The following NUP214 variants were observed in gnomAD, a reference collection of about 807,000 sequenced individuals.
The protein encoded by NUP214 is nucleoporin 214, also known as nuclear pore complex protein Nup214.
NUP214 carries 79 observed loss-of-function variants against 196.2 expected under a neutral mutation model. That is an observed-to-expected ratio of 0.40 (90% CI 0.34 to 0.49). NUP214 has a LOEUF of 0.49. NUP214 is among the 20% of genes least tolerant of loss of function. NUP214 has a pLI of 0.58. For missense variants in NUP214, 2,468 were observed against 2,539.0 expected (o/e 0.97, Z 0.60); for synonymous variants, 1,020 against 990.5 (o/e 1.03, Z -0.56).
Position 131,132,605 on chromosome 9 carries a change from G to A in NUP214, c.673G>A (p.Glu225Lys). 1 of 1,612,712 alleles carries A rather than the reference G, an allele frequency of 6.2e-7. No homozygotes were observed. Among genetic ancestry groups the A allele is most frequent in the South Asian group, 1.1e-5 (1 of 90,950 alleles). Residue 225 changes from glutamate (E) to lysine (K), a missense_variant, in exon 6 of 36, where the codon GAA becomes AAA. By Grantham distance (56) the Glu-to-Lys change is moderately conservative. This residue lies in a region of NUP214 where 392 missense variants were observed against 417.9 expected (regional missense o/e 0.94). Coordinates refer to ENST00000359428, the MANE Select transcript of NUP214 (RefSeq NM_005085.4). ...TCCAAATCTCTTTCAGACTTTGCAG[G>A]AAAAAAAAGTCATTCCTTGTCCTCC... ...TVVQYLPTLQ[E>K]KKVIPCPPFY...
chr9:131,153,119 C>T (rs1052724178), intron 17 of NUP214: 1 of 152,176 alleles, frequency 6.6e-6, no homozygotes, highest in Non-Finnish European at 1.5e-5. Context: ...TGCTTTCCAT[C>T]TTTCAGTGTA....
chr9:131,202,978 C>A (rs758794524), intron 30 of NUP214, among the ~76,000 whole-genome samples: 15 of 151,080 alleles, frequency 9.9e-5, no homozygotes, highest in Non-Finnish European at 1.8e-4. Context: ...CCGAGTGTCG[C>A]TCTTTTGCCC....
At chr9:131,130,435 G>T (rs1415244668) in intron 4 of NUP214, among the ~76,000 whole-genome samples, 1 of 152,046 alleles carries the variant, frequency 6.6e-6, no homozygotes, top group Non-Finnish European at 1.5e-5. Flanking sequence ...ATGAGCCACT[G>T]TGCCCGGCCA....
chr9:131,138,255 A>G (rs543397413), intron 9 of NUP214, among the ~76,000 whole-genome samples: 10 of 66,472 alleles, frequency 1.5e-4, no homozygotes, highest in African/African-American at 5.9e-4. Flanking sequence ...TCCCCTCCCC[A>G]TAACCTAGGC....
At chr9:131,177,922 A>AT (rs1457342465) in intron 23 of NUP214, among the ~76,000 whole-genome samples, 48 of 152,174 alleles carry the variant, frequency 3.2e-4, no homozygotes, top group Non-Finnish European at 2.9e-5. Context: ...TAATAAGCCC[A>AT]TGTTAAAGAA....
rs1005180068 is a variant in NUP214 at position 131,139,182 on chromosome 9, A to G, written c.1006-99A>G. 17 of 1,274,798 alleles carry G rather than the reference A, an allele frequency of 1.3e-5. No individual in the cohort carries two copies. The African/African-American group carries it at 2.0e-4, about 15-fold the overall frequency. 79.0% of individuals were successfully genotyped at this position (1,274,798 alleles called of 1,614,324 possible). On this transcript the variant is annotated intron_variant, in intron 9 of 35. Transcript: ENST00000359428. The stretch of plus-strand genomic sequence containing the variant: ...CCAAGTGAGTCATCTCTGTTCTCCT[A>G]TTTGAACAATGTTAGGAGGAACCAA...
At chr9:131,149,659 A>G (rs1402492753) in intron 14 of NUP214, among the ~76,000 whole-genome samples, 4 of 151,986 alleles carry the variant, frequency 2.6e-5, no homozygotes, top group African/African-American at 9.7e-5. Context: ...AGCAAGAGGG[A>G]TCTTTTAAAT....
At chr9:131,166,028 G>C (rs1009658689) in intron 21 of NUP214, among the ~76,000 whole-genome samples, 2 of 152,114 alleles carry the variant, frequency 1.3e-5, no homozygotes, top group African/African-American at 2.4e-5. Flanking sequence ...TTCTGGAGAT[G>C]GATGGTGGTG....
intron 23 of NUP214, 78 bp downstream of exon 23, chr9:131,175,699 A>T: frequency 6.6e-7 from 1 of 1,519,844 alleles, no homozygotes; most frequent in Non-Finnish European, 8.8e-7. Flanking sequence ...GCAGGTGGCA[A>T]GAAACAGTGG....
intron 24 of NUP214, among the ~76,000 whole-genome samples, chr9:131,185,000 A>G (rs539911835): frequency 2.0e-5 from 3 of 152,322 alleles, no homozygotes; most frequent in South Asian, 2.1e-4. Flanking sequence ...TGTGATAGTG[A>G]TTAAGATTTA....
Position 131,222,893 on chromosome 9 carries a change from A to G in NUP214, c.5865A>G (p.Ala1955=). The G allele has an allele frequency of 6.2e-7, 1 of 1,614,184 alleles. No homozygotes were observed. Among genetic ancestry groups the G allele is most frequent in the South Asian group, 1.1e-5 (1 of 91,080 alleles). The part of the protein sequence containing the change: ...GTFSSGGGSV[A]SQGFGFSSPN... Reference sequence around the variant, plus strand: ...TCAGCTCTGGAGGAGGAAGTGTGGCATCCCAAGGCTTTGGGTTTTCCTCTC... The same window carrying G: ...TCAGCTCTGGAGGAGGAAGTGTGGCGTCCCAAGGCTTTGGGTTTTCCTCTC... Residue 1955 remains alanine, a synonymous_variant, in exon 32 of 36, where the codon GCA becomes GCG. Coordinates refer to ENST00000359428, the MANE Select transcript of NUP214 (RefSeq NM_005085.4).
In NUP214 at chr9:131,234,391, C is replaced by T. The variant is rs1834958454; in HGVS notation, c.*904C>T. The T allele has an allele frequency of 1.7e-5, 4 of 232,620 alleles. No homozygotes were observed. In the South Asian group the frequency reaches 7.2e-4, roughly 42 times the overall value. The allele number at this position is 232,620 out of a possible 1,614,324, so 14.4% of individuals were successfully genotyped here. A position where few individuals can be genotyped will look rare whatever the true frequency, so the allele number is the denominator to read the frequency against. ...GACAACAGTGTTTGCTAGGACGGCC[C>T]AGAGCTCATCACTGCAGTTTTATTA... On this transcript the variant is annotated 3_prime_UTR_variant, in exon 36 of 36. Transcript: ENST00000359428.
In NUP214 at chr9:131,132,587, C is replaced by G. The variant is rs772494824; in HGVS notation, c.664-9C>G. On this transcript the variant is annotated splice_polypyrimidine_tract_variant and intron_variant, in intron 5 of 35. Transcript: ENST00000359428. The stretch of plus-strand genomic sequence containing the variant: ...TGATACTTTATTTTCCCCTCCAAAT[C>G]TCTTTCAGACTTTGCAGGAAAAAAA... 1 of 1,611,888 alleles carries G rather than the reference C, an allele frequency of 6.2e-7. No homozygotes were observed. The highest frequency in any genetic ancestry group is 8.5e-7 in the Non-Finnish European group (1 of 1,178,134).
At chr9:131,142,144 T>C (rs536222442) in intron 11 of NUP214, among the ~76,000 whole-genome samples, 14 of 152,256 alleles carry the variant, frequency 9.2e-5, no homozygotes, top group African/African-American at 3.4e-4. Context: ...TTTTTTTTCC[T>C]CCTTATTCAG....
intron 17 of NUP214, among the ~76,000 whole-genome samples, chr9:131,158,604 T>C (rs1832530357): frequency 1.3e-5 from 2 of 152,210 alleles, no homozygotes; most frequent in Admixed American, 6.5e-5. Context: ...TGTGAATAGA[T>C]AGGTTTAGAA....
intron 18 of NUP214, 24 bp downstream of exon 18, chr9:131,159,510 A>G (rs367544808): frequency 2.1e-5 from 32 of 1,518,436 alleles, no homozygotes; most frequent in African/African-American, 2.1e-4. Context: ...CTCATCTGCA[A>G]TGTGTTGGAA....
At chr9:131,164,240 A>C in intron 21 of NUP214, 96 bp downstream of exon 21, 1 of 1,089,860 alleles carries the variant, frequency 9.2e-7, no homozygotes, top group African/African-American at 1.5e-5. Context: ...TGTGTGAGCT[A>C]GGGTGCTGTG....
chr9:131,190,055 C>T (rs1210436478), intron 26 of NUP214: 2 of 189,814 alleles, frequency 1.1e-5, no homozygotes, highest in Non-Finnish European at 1.1e-5. Context: ...CTGGATTTAT[C>T]TTTAGTAGCT....
In NUP214 at chr9:131,146,061, T is replaced by C. The variant is rs963847730; in HGVS notation, c.1770-68T>C. The stretch of plus-strand genomic sequence containing the variant: ...GATAATAAGTTATCTTTTGATGACA[T>C]TGCTCATGCTAGTGTAAAAGAATCT... On this transcript the variant is annotated intron_variant, in intron 12 of 35. Coordinates refer to ENST00000359428, the MANE Select transcript of NUP214 (RefSeq NM_005085.4). The surrounding 1 kb of genome is among the most constrained non-coding windows in gnomAD (Gnocchi z 4.6). The C allele has an allele frequency of 8.0e-5, 108 of 1,348,346 alleles. No homozygotes were observed. The highest frequency in any genetic ancestry group is 1.1e-4 in the Non-Finnish European group (101 of 957,486). The allele number at this position is 1,348,346 out of a possible 1,614,324, so 83.5% of individuals were successfully genotyped here.
Sources: gnomAD v4.1 joint callset for allele counts (sites outside exome capture counted in the v4.1 genomes callset) on GRCh38, gnomAD v4.1.1 for gene constraint, gnomAD v4.1.1 regional missense constraint, Gnocchi (gnomAD v3.1) non-coding constraint, MANE v1.5 for transcripts, NCBI Gene and HGNC (gene_info 2026-07-23, HGNC 2026-07-21) for gene names.